Variants in PLXNA4 observed in about 807,000 individuals in gnomAD.
PLXNA4 encodes plexin A4, also known as plexin-A4.
Under a neutral mutation model 191.8 loss-of-function variants are expected in PLXNA4, and 44 were observed. The ratio of observed to expected loss-of-function variants is 0.23; its 90% confidence interval spans 0.18 to 0.29. PLXNA4 has a LOEUF of 0.29. Among genes scored for constraint, PLXNA4 ranks in the 10% least tolerant of loss-of-function variants. PLXNA4 has a pLI of 1.00. For missense variants in PLXNA4, 1,800 were observed against 2,488.8 expected (o/e 0.72, Z 5.89); for synonymous variants, 1,082 against 1,009.5 (o/e 1.07, Z -1.36).
chr7:132,291,684 G>A (rs924707269), intron 4 of PLXNA4, among the ~76,000 whole-genome samples: 2 of 152,108 alleles, frequency 1.3e-5, no homozygotes, highest in Non-Finnish European at 2.9e-5. Context: ...CCTGCATGTC[G>A]AGAGCTGGCC....
At chr7:132,249,219 C>T (rs1019276091) in intron 4 of PLXNA4, among the ~76,000 whole-genome samples, 1 of 152,220 alleles carries the variant, frequency 6.6e-6, no homozygotes, top group Non-Finnish European at 1.5e-5. Context: ...TTAGGGGGAT[C>T]CAGTCCTGCT....
intron 3 of PLXNA4, among the ~76,000 whole-genome samples, chr7:132,344,729 C>T (rs557284847): frequency 2.0e-4 from 30 of 152,294 alleles, no homozygotes; most frequent in Middle Eastern, 3.4e-3. Context: ...CCTTTGTCCT[C>T]GAAGTGTTGT....
At chr7:132,202,947 A>G in intron 11 of PLXNA4, 111 bp from the exon 12 acceptor site, 2 of 1,190,818 alleles carry the variant, frequency 1.7e-6, no homozygotes, top group South Asian at 1.7e-5. Context: ...TGGGGCACAA[A>G]GGCAGTTTTG....
Position 132,123,557 on chromosome 7 carries a change from T to C in PLXNA4, c.*6922A>G, listed in dbSNP as rs1187357957. On this transcript the variant is annotated 3_prime_UTR_variant, in exon 32 of 32. Transcript: ENST00000321063. ...AACTTTTTAATTTTTTTTTAATATT[T>C]TACTAGGATACTCTTCTTTAAAAAT... 1 of 152,156 alleles carries C rather than the reference T, an allele frequency of 6.6e-6. No individual in the cohort carries two copies. The highest frequency in any genetic ancestry group is 1.5e-5 in the Non-Finnish European group (1 of 68,036). The allele number at this position is 152,156 out of a possible 1,614,324, so 9.4% of individuals were successfully genotyped here. A position where few individuals can be genotyped will look rare whatever the true frequency, so the allele number is the denominator to read the frequency against.
chr7:132,329,091 C>T (rs559429899), intron 3 of PLXNA4, among the ~76,000 whole-genome samples: 10 of 152,334 alleles, frequency 6.6e-5, no homozygotes, highest in South Asian at 2.1e-4. Flanking sequence ...GGAGCTCAAC[C>T]GTCTGTGCTT....
chr7:132,548,251 G>T (rs1488010742), intron 1 of PLXNA4, among the ~76,000 whole-genome samples: 1 of 152,174 alleles, frequency 6.6e-6, no homozygotes, highest in Non-Finnish European at 1.5e-5. Flanking sequence ...GACTCCCCTA[G>T]CCCTCATTAC....
chr7:132,376,394 C>A (rs943224110), intron 3 of PLXNA4, among the ~76,000 whole-genome samples: 2 of 152,210 alleles, frequency 1.3e-5, no homozygotes, highest in African/African-American at 4.8e-5. Context: ...GTGCCCACTG[C>A]ATCCCAATTA....
intron 2 of PLXNA4, among the ~76,000 whole-genome samples, chr7:132,590,743 ATCT>A (rs1802591563): frequency 6.6e-6 from 1 of 152,136 alleles, no homozygotes; most frequent in Non-Finnish European, 1.5e-5. Flanking sequence ...TCAAATGTTA[ATCT>A]TCTTTGGCAA....
intron 11 of PLXNA4, 55 bp downstream of exon 11, chr7:132,203,268 C>T (rs933261011): frequency 3.6e-5 from 54 of 1,518,088 alleles, no homozygotes; most frequent in Non-Finnish European, 4.8e-5. Context: ...GGCTCCTTCC[C>T]TCTCTACCCC....
chr7:132,517,229 G>A lies in PLXNA4; in HGVS notation c.-86-8450C>T, dbSNP rs142320305. 5.9e-3 allele frequency among the ~76,000 whole-genome samples: 893 copies of A among 152,308 alleles called. 9 individuals carry two copies. The highest frequency in any genetic ancestry group is 0.021 in the African/African-American group (869 of 41,558). On this transcript the variant is annotated intron_variant, in intron 1 of 31. Coordinates refer to ENST00000321063, the MANE Select transcript of PLXNA4 (RefSeq NM_020911.2). ...AAGTCAGTGAGAGGTGGCCATCAGC[G>A]ATGGATGACATTTCCCAGCCTCTCC... is the stretch of plus-strand genomic sequence containing the variant.
intron 4 of PLXNA4, among the ~76,000 whole-genome samples, chr7:132,286,118 C>G (rs1277480147): frequency 6.6e-6 from 1 of 152,204 alleles, no homozygotes; most frequent in Non-Finnish European, 1.5e-5. Flanking sequence ...ATTCCCACAG[C>G]AGGACCACAC....
In PLXNA4 at chr7:132,593,050, G is replaced by A. The variant is rs1228879643; in HGVS notation, c.-87+52878C>T. ...TTACAGTGACACAAATGACAGGGTGGCAAGCCTCTCACAAGATAAACCAGA... is the reference window on the plus strand; with the variant it reads ...TTACAGTGACACAAATGACAGGGTGACAAGCCTCTCACAAGATAAACCAGA... On this transcript the variant is annotated intron_variant, in intron 2 of 4. Coordinates refer to the PLXNA4 transcript ENST00000378539. Among the ~76,000 whole-genome samples, 5 of 152,128 alleles carry A rather than the reference G, an allele frequency of 3.3e-5. No individual in the cohort carries two copies. The East Asian group carries it at 9.6e-4, about 29-fold the overall frequency.
At chr7:132,300,524 A>T (rs1376453694) in intron 3 of PLXNA4, among the ~76,000 whole-genome samples, 1 of 152,248 alleles carries the variant, frequency 6.6e-6, no homozygotes, top group Non-Finnish European at 1.5e-5. Flanking sequence ...GGATTTAAGG[A>T]GTCGTGGTTA....
At chr7:132,605,169 A>G (rs914651472) in intron 2 of PLXNA4, among the ~76,000 whole-genome samples, 5 of 152,188 alleles carry the variant, frequency 3.3e-5, no homozygotes, top group Non-Finnish European at 5.9e-5. Context: ...AGAATGGAGC[A>G]TGGGGAAGAT....
intron 2 of PLXNA4, among the ~76,000 whole-genome samples, chr7:132,586,608 C>T (rs1254117448): frequency 6.6e-6 from 1 of 152,118 alleles, no homozygotes; most frequent in Non-Finnish European, 1.5e-5. Flanking sequence ...AAACAATTAG[C>T]CGGGCATCGT....
chr7:132,474,249 CACACACACAT>C (rs1797041330), intron 3 of PLXNA4, among the ~76,000 whole-genome samples: 1 of 151,738 alleles, frequency 6.6e-6, no homozygotes, highest in South Asian at 2.1e-4. Context: ...CACACACACA[CACACACACAT>C]GCACACACCA....
At chr7:132,633,270 C>T (rs1355015382) in intron 2 of PLXNA4, among the ~76,000 whole-genome samples, 2 of 147,924 alleles carry the variant, frequency 1.4e-5, no homozygotes, top group Non-Finnish European at 3.0e-5. Flanking sequence ...AACAGTGGGG[C>T]TTGAGGTTCT....
chr7:132,204,738 T>C (rs1381180687), intron 10 of PLXNA4, among the ~76,000 whole-genome samples: 1 of 152,172 alleles, frequency 6.6e-6, no homozygotes, highest in Non-Finnish European at 1.5e-5. Context: ...CTACTGCCTC[T>C]GGGCAGGGAC....
intron 14 of PLXNA4, among the ~76,000 whole-genome samples, chr7:132,188,998 GAGAGAGAGA>G (rs1292846405): frequency 3.1e-4 from 16 of 50,996 alleles, no homozygotes; most frequent in Non-Finnish European, 4.8e-4. Context: ...GGAAAGGAGA[GAGAGAGAGA>G]GAGAGAGAGA....
Sources: allele counts gnomAD v4.1 joint callset (sites outside exome capture counted in the v4.1 genomes callset), GRCh38; gene constraint gnomAD v4.1.1; transcripts MANE v1.5; gene names NCBI Gene and HGNC (gene_info 2026-07-23, HGNC 2026-07-21).